Variants in FAR2 observed in about 807,000 individuals in gnomAD.
The protein encoded by FAR2 is epididymis secretory protein Li 81.
In FAR2, 19 loss-of-function variants were observed where a neutral mutation model predicts 56.0. The observed-to-expected ratio is 0.34, with a 90% CI of 0.24 to 0.50. The LOEUF (loss-of-function observed/expected upper bound fraction) is 0.50. Among genes scored for constraint, FAR2 ranks in the 20% least tolerant of loss-of-function variants. FAR2 has a pLI of 0.98. For missense variants in FAR2, 508 were observed against 642.2 expected, an observed-to-expected ratio of 0.79 and a Z score of 2.26; for synonymous variants, 219 against 218.8, an observed-to-expected ratio of 1.00 and a Z score of -0.01.
chr12:29,246,531 T>C (rs760379158), intron 1 of FAR2, among the ~76,000 whole-genome samples: 2 of 152,096 alleles, frequency 1.3e-5, no homozygotes, highest in Admixed American at 6.6e-5. Context: ...TTTAGATCGA[T>C]AAACAAAATA....
intron 1 of FAR2, among the ~76,000 whole-genome samples, chr12:29,222,493 A>C (rs1405796399): frequency 6.6e-6 from 1 of 152,118 alleles, no homozygotes; most frequent in Non-Finnish European, 1.5e-5. Context: ...TACTATGAGG[A>C]ACTTGCTTAA....
chr12:29,285,292 G>A (rs1401310500), intron 2 of FAR2, among the ~76,000 whole-genome samples: 1 of 152,108 alleles, frequency 6.6e-6, no homozygotes, highest in Non-Finnish European at 1.5e-5. Flanking sequence ...TCTACATAAG[G>A]CAAAGGCAAT....
intron 10 of FAR2, among the ~76,000 whole-genome samples, chr12:29,322,534 G>A (rs1246236178): frequency 6.6e-6 from 1 of 152,148 alleles, no homozygotes; most frequent in Non-Finnish European, 1.5e-5. Context: ...TAATTCCTTA[G>A]CACCAGCACC....
chr12:29,316,099 C>T (rs560212845), intron 8 of FAR2, among the ~76,000 whole-genome samples: 1 of 151,102 alleles, frequency 6.6e-6, no homozygotes, highest in South Asian at 2.1e-4. Flanking sequence ...AATCATATTA[C>T]CATAATAAGT....
chr12:29,238,893 A>G (rs893309993), intron 1 of FAR2, among the ~76,000 whole-genome samples: 11 of 152,152 alleles, frequency 7.2e-5, no homozygotes, highest in African/African-American at 2.4e-4. Context: ...TGTAATTATG[A>G]TCTCACAGTT....
intron 1 of FAR2, among the ~76,000 whole-genome samples, chr12:29,269,035 G>A (rs561378078): frequency 3.3e-5 from 5 of 152,192 alleles, no homozygotes; most frequent in South Asian, 2.1e-4. Context: ...ATGAAGTTTC[G>A]GGCACCATTG....
chr12:29,173,576 G>C (rs1290209083), intron 1 of FAR2, among the ~76,000 whole-genome samples: 1 of 152,124 alleles, frequency 6.6e-6, no homozygotes, highest in Non-Finnish European at 1.5e-5. Context: ...CTCCATCAGA[G>C]AGAGAATACT....
intron 1 of FAR2, among the ~76,000 whole-genome samples, chr12:29,175,829 G>GA (rs1303890416): frequency 1.3e-5 from 2 of 152,094 alleles, no homozygotes; most frequent in African/African-American, 4.8e-5. Flanking sequence ...CCTTTAGCTA[G>GA]ACACAGAGCA....
At chr12:29,270,198 G>C (rs1206104371) in intron 1 of FAR2, among the ~76,000 whole-genome samples, 4 of 152,134 alleles carry the variant, frequency 2.6e-5, no homozygotes, top group Non-Finnish European at 1.5e-5. Context: ...CTCATTTCTT[G>C]CTCACAGTTC....
At chr12:29,325,344 C>G (rs991581453) in intron 10 of FAR2, among the ~76,000 whole-genome samples, 6 of 152,002 alleles carry the variant, frequency 3.9e-5, no homozygotes, top group African/African-American at 1.4e-4. Context: ...AGATCAATGA[C>G]ACAGAAAGTT....
chr12:29,237,512 T>C (rs1376538133), intron 1 of FAR2, among the ~76,000 whole-genome samples: 1 of 152,194 alleles, frequency 6.6e-6, no homozygotes, highest in East Asian at 1.9e-4. Flanking sequence ...TAATATTTTG[T>C]GTGATGAAAT....
intron 1 of FAR2, among the ~76,000 whole-genome samples, chr12:29,193,476 T>C (rs78125852): frequency 0.041 from 6,277 of 152,302 alleles, 187 homozygotes; most frequent in Non-Finnish European, 0.064. Context: ...TTACAGAGTG[T>C]CATGTAAGTG....
At chr12:29,199,092 T>C (rs1028815523) in intron 1 of FAR2, among the ~76,000 whole-genome samples, 1 of 152,128 alleles carries the variant, frequency 6.6e-6, no homozygotes, top group Non-Finnish European at 1.5e-5. Context: ...GAGCTGGGCC[T>C]GTTAAGGAAG....
chr12:29,201,332 A>G (rs1301837533), intron 1 of FAR2, among the ~76,000 whole-genome samples: 1 of 152,136 alleles, frequency 6.6e-6, no homozygotes, highest in Non-Finnish European at 1.5e-5. Context: ...TGCCCTTTAC[A>G]TACGTGTGAG....
chr12:29,174,381 G>A (rs1427449698), intron 1 of FAR2, among the ~76,000 whole-genome samples: 1 of 150,254 alleles, frequency 6.7e-6, no homozygotes, highest in African/African-American at 2.4e-5. Context: ...ATTCTTATAG[G>A]AGAAACTGGA....
intron 1 of FAR2, among the ~76,000 whole-genome samples, chr12:29,186,369 T>G (rs903926306): frequency 1.3e-5 from 2 of 152,198 alleles, no homozygotes; most frequent in South Asian, 2.1e-4. Context: ...GCTGACTCCG[T>G]CTACTGTTCC....
At position 29,316,946 on chromosome 12, in the gene FAR2, C is replaced by T. The variant is rs770384073; in HGVS notation, c.1061C>T (p.Ala354Val). ...AGCTTCACATCACAGTACTGGAATG[C>T]GGTCAGCCACCGGGCCCCTGCCATT... Reference protein sequence around the residue: ...SNSFTSQYWNAVSHRAPAIIY... With the variant: ...SNSFTSQYWNVVSHRAPAIIY... The change falls in exon 9 of 12, where the codon GCG becomes GTG. Residue 354 changes from alanine to valine, a missense_variant. Transcript: ENST00000536681. The T allele has an allele frequency of 1.4e-5, 22 of 1,613,840 alleles. No individual in the cohort carries two copies. The highest frequency in any genetic ancestry group is 1.6e-4 in the Middle Eastern group (1 of 6,082).
chr12:29,262,865 G>GA (rs1430770857), intron 1 of FAR2, among the ~76,000 whole-genome samples: 1 of 151,958 alleles, frequency 6.6e-6, no homozygotes, highest in Non-Finnish European at 1.5e-5. Flanking sequence ...CTGAATGGGT[G>GA]AAAAAACAAG....
chr12:29,290,903 T>C (rs971492316), intron 2 of FAR2, among the ~76,000 whole-genome samples: 23 of 152,018 alleles, frequency 1.5e-4, no homozygotes, highest in Non-Finnish European at 3.4e-4. Context: ...TGGCAAACAA[T>C]AGAAGAATTA....
Sources: allele counts gnomAD v4.1 joint callset (sites outside exome capture counted in the v4.1 genomes callset), GRCh38; gene constraint gnomAD v4.1.1; transcripts MANE v1.5; gene names NCBI Gene and HGNC (gene_info 2026-07-23, HGNC 2026-07-21).